SNX29: variants seen among roughly 807,000 people sequenced by gnomAD.
SNX29 encodes the protein sorting nexin 29, also known as sorting nexin-29.
A neutral mutation model predicts 102.1 loss-of-function variants in SNX29; 78 were observed. The ratio of observed to expected loss-of-function variants is 0.76; its 90% CI spans 0.64 to 0.92. The LOEUF is 0.92. SNX29 is among the 40% of genes least tolerant of loss of function. The pLI is 0.00. For missense variants in SNX29, 1,280 were observed against 1,061.7 expected (o/e 1.21, Z -2.86); for synonymous variants, 580 against 414.5 (o/e 1.40, Z -4.85).
At chr16:12,552,992 G>A (rs1318484517) in intron 20 of SNX29, among the ~76,000 whole-genome samples, 4 of 152,232 alleles carry the variant, frequency 2.6e-5, no homozygotes, top group Non-Finnish European at 4.4e-5. Context: ...CTGTCTGAGG[G>A]GCTGAAATCA....
chr16:12,456,379 G>A (rs538561451), intron 18 of SNX29, among the ~76,000 whole-genome samples: 6 of 152,274 alleles, frequency 3.9e-5, no homozygotes, highest in South Asian at 2.1e-4. Flanking sequence ...AATACAGCAC[G>A]ATACTGGAAA....
chr16:12,195,508 G>C (rs1015306787), intron 13 of SNX29, among the ~76,000 whole-genome samples: 1 of 152,226 alleles, frequency 6.6e-6, no homozygotes, highest in African/African-American at 2.4e-5. Flanking sequence ...GTTGGCAGCA[G>C]AAGCTTGAGC....
intron 11 of SNX29, among the ~76,000 whole-genome samples, chr16:12,118,240 A>G (rs1315044223): frequency 6.6e-6 from 1 of 150,456 alleles, no homozygotes; most frequent in Non-Finnish European, 1.5e-5. Context: ...AATTCTGGTG[A>G]GTACTCCTTT....
chr16:12,544,621 C>T (rs1211782276), intron 20 of SNX29, among the ~76,000 whole-genome samples: 1 of 152,182 alleles, frequency 6.6e-6, no homozygotes, highest in African/African-American at 2.4e-5. Context: ...CTGCGTCATG[C>T]CTTGGGATCG....
intron 20 of SNX29, among the ~76,000 whole-genome samples, chr16:12,560,074 G>A (rs1018975117): frequency 5.9e-5 from 9 of 152,018 alleles, no homozygotes; most frequent in Non-Finnish European, 1.2e-4. Flanking sequence ...TGTAACTACT[G>A]TCCTAACAGT....
At chr16:12,410,283 T>C (rs1260012653) in intron 18 of SNX29, among the ~76,000 whole-genome samples, 1 of 152,188 alleles carries the variant, frequency 6.6e-6, no homozygotes, top group Non-Finnish European at 1.5e-5. Context: ...TGTGAGCCAC[T>C]GCGCCTGGCC....
At chr16:12,533,851 G>A (rs1377554484) in intron 20 of SNX29, among the ~76,000 whole-genome samples, 1 of 152,192 alleles carries the variant, frequency 6.6e-6, no homozygotes, top group Non-Finnish European at 1.5e-5. Context: ...TGTTATATAG[G>A]ACTGCAGCTA....
intron 20 of SNX29, among the ~76,000 whole-genome samples, chr16:12,540,229 G>A (rs974398032): frequency 6.6e-6 from 1 of 152,214 alleles, no homozygotes; most frequent in South Asian, 2.1e-4. Context: ...TACTTCCTGT[G>A]GCTGACCCGC....
At chr16:12,565,998 C>T (rs185649519) in intron 20 of SNX29, among the ~76,000 whole-genome samples, 92 of 152,308 alleles carry the variant, frequency 6.0e-4, no homozygotes, top group African/African-American at 2.2e-3. Flanking sequence ...TTCTGCACCC[C>T]TTCATGCCCA....
At chr16:11,992,734 A>C (rs1369309418) in intron 1 of SNX29, among the ~76,000 whole-genome samples, 1 of 152,180 alleles carries the variant, frequency 6.6e-6, no homozygotes, top group Non-Finnish European at 1.5e-5. Context: ...CACAGTGGGC[A>C]CTCAAAGAGC....
At chr16:12,540,962 G>A (rs567313013) in intron 20 of SNX29, among the ~76,000 whole-genome samples, 7 of 152,202 alleles carry the variant, frequency 4.6e-5, no homozygotes, top group Non-Finnish European at 1.0e-4. Context: ...CTGTAGTTCA[G>A]GCTGGAGGAT....
Position 12,570,727 on chromosome 16 carries a change from C to G in SNX29, c.*2098C>G, listed in dbSNP as rs1354217551. On this transcript the variant is annotated 3_prime_UTR_variant, in exon 21 of 21. Transcript: ENST00000566228. ...AAGCACAGGATGTGAATTGGTCTCT[C>G]TCCAGATACCCCACGAGGAAGCACC... The G allele has an allele frequency of 8.6e-6, 2 of 232,312 alleles. No individual in the cohort carries two copies. Among genetic ancestry groups the G allele is most frequent in the Non-Finnish European group, 1.7e-5 (2 of 117,578 alleles). The allele number at this position is 232,312 out of a possible 1,614,324, so 14.4% of individuals were successfully genotyped here. A position where few individuals can be genotyped will look rare whatever the true frequency, so the allele number is the denominator to read the frequency against.
intron 14 of SNX29, among the ~76,000 whole-genome samples, chr16:12,222,099 C>T (rs981637501): frequency 6.6e-6 from 1 of 152,208 alleles, no homozygotes; most frequent in Non-Finnish European, 1.5e-5. Flanking sequence ...CTCATTGAAT[C>T]GTCACATAAG....
At chr16:11,994,772 T>G (rs1014368153) in intron 1 of SNX29, among the ~76,000 whole-genome samples, 3 of 152,168 alleles carry the variant, frequency 2.0e-5, no homozygotes, top group African/African-American at 7.2e-5. Context: ...GGTGCTGTAC[T>G]CTCCACTGGA....
At chr16:12,536,231 TTTTTTTCTTTTTTATGC>T (rs1236042050) in intron 20 of SNX29, among the ~76,000 whole-genome samples, 1 of 152,062 alleles carries the variant, frequency 6.6e-6, no homozygotes, top group Non-Finnish European at 1.5e-5. Context: ...GGATTTCATG[TTTTTTTCTTTTTTATGC>T]ATGAGAACTT....
rs966888279 is a variant in SNX29 at position 12,571,660 on chromosome 16, G to C, written c.*3031G>C. The C allele has an allele frequency of 9.4e-7, 1 of 1,059,268 alleles. No homozygotes were observed. The highest frequency in any genetic ancestry group is 1.1e-6 in the Non-Finnish European group (1 of 875,796). The allele number at this position is 1,059,268 out of a possible 1,614,324, so 65.6% of individuals were successfully genotyped here. On this transcript the variant is annotated 3_prime_UTR_variant, in exon 21 of 21. Transcript: ENST00000566228. ...CCAGATGAAAGACGACTCAGGAACG[G>C]TAGGGCTGGGCAGAGGTGTCTCTCC...
intron 9 of SNX29, among the ~76,000 whole-genome samples, chr16:12,064,942 T>C (rs2050959022): frequency 6.6e-6 from 1 of 152,216 alleles, no homozygotes; most frequent in African/African-American, 2.4e-5. Context: ...CTCCTCACCT[T>C]AGGAGACTTT....
chr16:12,540,914 G>A (rs1216429358), intron 20 of SNX29, among the ~76,000 whole-genome samples: 2 of 152,178 alleles, frequency 1.3e-5, no homozygotes, highest in Non-Finnish European at 2.9e-5. Flanking sequence ...TGACAGCCCT[G>A]TCTGTTCACC....
At chr16:12,470,022 A>T (rs2087257963) in intron 18 of SNX29, among the ~76,000 whole-genome samples, 2 of 152,190 alleles carry the variant, frequency 1.3e-5, no homozygotes, top group Non-Finnish European at 2.9e-5. Flanking sequence ...TCAAAAAAAT[A>T]AAATAAATAA....
Sources: gnomAD v4.1 joint callset for allele counts (sites outside exome capture counted in the v4.1 genomes callset) on GRCh38, gnomAD v4.1.1 for gene constraint, MANE v1.5 for transcripts, NCBI Gene and HGNC (gene_info 2026-07-23, HGNC 2026-07-21) for gene names.